ATG7: variants seen among roughly 807,000 people sequenced by gnomAD.
The protein encoded by ATG7 is autophagy related 7.
In ATG7, 70 loss-of-function variants were observed where a neutral mutation model predicts 82.4. The ratio of observed to expected loss-of-function variants is 0.85; its 90% confidence interval spans 0.70 to 1.04. The LOEUF is 1.04. ATG7 is among the 50% of genes least tolerant of loss of function. The pLI, the probability that ATG7 is intolerant of heterozygous loss-of-function variation, is 0.00. For missense variants in ATG7, 792 were observed against 864.3 expected (o/e 0.92, Z 1.05); for synonymous variants, 287 against 313.0 (o/e 0.92, Z 0.88).
chr3:11,473,786 T>G (rs537461939), intron 20 of ATG7, among the ~76,000 whole-genome samples: 1 of 152,228 alleles, frequency 6.6e-6, no homozygotes, highest in African/African-American at 2.4e-5. Flanking sequence ...ATCAAGACTT[T>G]ATTTTTAAAT....
intron 20 of ATG7, among the ~76,000 whole-genome samples, chr3:11,547,771 A>T (rs2071417036): frequency 6.6e-6 from 1 of 152,174 alleles, no homozygotes; most frequent in African/African-American, 2.4e-5. Context: ...ATGACTAATT[A>T]TGTTTGAGTA....
chr3:11,420,049 G>A (rs1301726615), intron 19 of ATG7, among the ~76,000 whole-genome samples: 2 of 152,130 alleles, frequency 1.3e-5, no homozygotes, highest in East Asian at 1.9e-4. Flanking sequence ...TAGACTGACA[G>A]GTTCTTGTTC....
chr3:11,546,645 G>T (rs2071316557), intron 20 of ATG7, among the ~76,000 whole-genome samples: 1 of 152,178 alleles, frequency 6.6e-6, no homozygotes, highest in Non-Finnish European at 1.5e-5. Context: ...GATGATGAGG[G>T]CTCCTTTCAA....
At chr3:11,549,573 C>G (rs59137166) in intron 20 of ATG7, among the ~76,000 whole-genome samples, 9,735 of 152,176 alleles carry the variant, frequency 0.064, 538 homozygotes, top group African/African-American at 0.15. Flanking sequence ...GTTGTCGCAC[C>G]CATCAGTAGT....
intron 20 of ATG7, among the ~76,000 whole-genome samples, chr3:11,475,701 C>G (rs1467521066): frequency 6.6e-6 from 1 of 152,148 alleles, no homozygotes; most frequent in Non-Finnish European, 1.5e-5. Flanking sequence ...CTTAGCATGT[C>G]AGAAAAATGT....
intron 3 of ATG7, among the ~76,000 whole-genome samples, chr3:11,284,740 G>A (rs1575147427): frequency 6.6e-6 from 1 of 151,838 alleles, no homozygotes; most frequent in South Asian, 2.1e-4. Flanking sequence ...TATTTGTGGA[G>A]ATGATATCTT....
chr3:11,528,493 C>G (rs1004512580), intron 20 of ATG7, among the ~76,000 whole-genome samples: 1 of 152,088 alleles, frequency 6.6e-6, no homozygotes, highest in Non-Finnish European at 1.5e-5. Context: ...CACAGTCTGA[C>G]ATAGAGTCTA....
intron 9 of ATG7, among the ~76,000 whole-genome samples, chr3:11,323,712 G>T (rs1950497969): frequency 6.6e-6 from 1 of 152,224 alleles, no homozygotes; most frequent in South Asian, 2.1e-4. Context: ...GTGGACAAGA[G>T]CAATAGCCAA....
intron 20 of ATG7, chr3:11,529,702 G>C (rs945889897): frequency 6.5e-6 from 1 of 152,904 alleles, no homozygotes; most frequent in African/African-American, 2.4e-5. Context: ...CACCTGGTTA[G>C]CAACGTCCTG....
intron 20 of ATG7, among the ~76,000 whole-genome samples, chr3:11,541,091 G>C (rs1029410576): frequency 6.6e-6 from 1 of 151,980 alleles, no homozygotes; most frequent in Non-Finnish European, 1.5e-5. Flanking sequence ...TAGTAGAGAC[G>C]GGGTTTCACC....
intron 9 of ATG7, among the ~76,000 whole-genome samples, chr3:11,330,788 C>T (rs75929731): frequency 3.9e-5 from 6 of 152,174 alleles, no homozygotes; most frequent in Admixed American, 6.5e-5. Context: ...ACTGAAGAAA[C>T]GGTATTTTAA....
chr3:11,499,439 T>G (rs1369294582), intron 20 of ATG7, among the ~76,000 whole-genome samples: 1 of 152,170 alleles, frequency 6.6e-6, no homozygotes, highest in Non-Finnish European at 1.5e-5. Context: ...AGTATCATGT[T>G]GCTTTCCTTG....
intron 20 of ATG7, among the ~76,000 whole-genome samples, chr3:11,429,454 C>T (rs1442204093): frequency 6.6e-6 from 1 of 151,962 alleles, no homozygotes. Flanking sequence ...CAAGATGGCG[C>T]CACTGCACTC....
chr3:11,508,613 T>A lies in ATG7; in HGVS notation c.2080-46198T>A, dbSNP rs2091877481. Among the ~76,000 whole-genome samples the A allele has an allele frequency of 4.6e-5, 7 of 152,110 alleles. No homozygotes were observed. The South Asian group carries it at 1.5e-3, about 32-fold the overall frequency. On this transcript the variant is annotated intron_variant, in intron 20 of 20. Coordinates refer to ENST00000693202, the MANE Select transcript of ATG7 (RefSeq NM_001349232.2). ...TGGTGTACCACCATGCCTGCTAATA[T>A]TATTATTATTTTCTTGTAATAGAGA...
chr3:11,291,189 G>A (rs993100422), intron 3 of ATG7, among the ~76,000 whole-genome samples: 7 of 152,150 alleles, frequency 4.6e-5, no homozygotes, highest in Non-Finnish European at 1.0e-4. Flanking sequence ...CATATGTAGG[G>A]ACTTGATGAT....
intron 18 of ATG7, among the ~76,000 whole-genome samples, chr3:11,378,027 A>ATTTT (rs61176051): frequency 0.61 from 56,768 of 92,358 alleles, 19,201 homozygotes; most frequent in East Asian, 0.81. Context: ...CCAGTTACCA[A>ATTTT]TTTTTTTTTT....
chr3:11,296,406 G>T (rs531791932), intron 3 of ATG7, among the ~76,000 whole-genome samples: 2 of 152,174 alleles, frequency 1.3e-5, no homozygotes, highest in South Asian at 4.2e-4. Context: ...AAGATACCAA[G>T]TTAGGTCACC....
At chr3:11,470,874 C>T (rs147885358) in intron 20 of ATG7, among the ~76,000 whole-genome samples, 3 of 152,124 alleles carry the variant, frequency 2.0e-5, no homozygotes, top group African/African-American at 4.8e-5. Context: ...TACTTTCTTG[C>T]CGTATTACTC....
intron 6 of ATG7, among the ~76,000 whole-genome samples, chr3:11,308,228 A>C (rs930734247): frequency 5.3e-5 from 8 of 152,198 alleles, no homozygotes; most frequent in African/African-American, 1.9e-4. Context: ...TATTAGTGCA[A>C]CTGTTTTGTC....
Sources: allele counts gnomAD v4.1 joint callset (sites outside exome capture counted in the v4.1 genomes callset), GRCh38; gene constraint gnomAD v4.1.1; transcripts MANE v1.5; gene names NCBI Gene and HGNC (gene_info 2026-07-23, HGNC 2026-07-21).